The following VRK2 variants were observed in gnomAD, a reference collection of about 807,000 sequenced individuals.
VRK2 encodes the protein serine/threonine-protein kinase VRK2.
Under a neutral mutation model 57.6 loss-of-function variants are expected in VRK2, and 60 were observed. The ratio of observed to expected loss-of-function variants is 1.04; its 90% CI spans 0.85 to 1.29. The LOEUF is 1.29. Among genes scored for constraint, VRK2 ranks in the 50% most tolerant of loss-of-function variants. The probability of loss-of-function intolerance (pLI) is 0.00; values close to 1 mark genes in which losing one functional copy is unlikely to be tolerated. For synonymous variants in VRK2, 231 were observed against 199.2 expected, an observed-to-expected ratio of 1.16 and a Z score of -1.35; for missense variants, 705 against 588.1, an observed-to-expected ratio of 1.20 and a Z score of -2.06.
intron 3 of VRK2, among the ~76,000 whole-genome samples, chr2:58,041,282 A>T (rs745823878): frequency 3.3e-5 from 5 of 152,148 alleles, no homozygotes; most frequent in Non-Finnish European, 5.9e-5. Context: ...ATGCTTAAAA[A>T]TTTTTTATTG....
At chr2:58,146,573 T>C in intron 12 of VRK2, 99 bp downstream of exon 12, 1 of 1,353,414 alleles carries the variant, frequency 7.4e-7, no homozygotes, top group Non-Finnish European at 9.9e-7. Context: ...AGGGCCAAGG[T>C]TGTATGGTTT....
intron 7 of VRK2, among the ~76,000 whole-genome samples, chr2:58,111,776 T>A (rs910089916): frequency 3.9e-5 from 6 of 152,140 alleles, no homozygotes; most frequent in Admixed American, 3.3e-4. Flanking sequence ...AGCCGTTTGT[T>A]TTTGATTTCA....
intron 1 of VRK2, among the ~76,000 whole-genome samples, chr2:57,959,247 G>T (rs1419526443): frequency 6.6e-6 from 1 of 152,130 alleles, no homozygotes; most frequent in African/African-American, 2.4e-5. Flanking sequence ...AGTTTAAAGA[G>T]AGAAGACTGT....
chr2:57,945,639 T>C (rs761806058), intron 1 of VRK2, among the ~76,000 whole-genome samples: 1 of 150,214 alleles, frequency 6.7e-6, no homozygotes, highest in Non-Finnish European at 1.5e-5. Context: ...AACTTTCTGC[T>C]CAAAATTGAC....
At chr2:57,944,399 C>A (rs1671192226) in intron 1 of VRK2, among the ~76,000 whole-genome samples, 1 of 152,136 alleles carries the variant, frequency 6.6e-6, no homozygotes, top group Non-Finnish European at 1.5e-5. Context: ...ACAAAGAAAT[C>A]CATGAAATTC....
chr2:57,945,892 A>G (rs1249013855), intron 1 of VRK2, among the ~76,000 whole-genome samples: 5 of 152,210 alleles, frequency 3.3e-5, no homozygotes, highest in Non-Finnish European at 7.4e-5. Context: ...GATCTGACAA[A>G]GTGATACAAG....
At chr2:57,977,003 T>C (rs770350620) in intron 1 of VRK2, among the ~76,000 whole-genome samples, 5 of 152,154 alleles carry the variant, frequency 3.3e-5, no homozygotes, top group Non-Finnish European at 7.4e-5. Context: ...TTGTCAACTT[T>C]GTCAAAGATC....
intron 8 of VRK2, among the ~76,000 whole-genome samples, chr2:58,125,763 T>C (rs1192213010): frequency 6.6e-6 from 1 of 152,048 alleles, no homozygotes; most frequent in Non-Finnish European, 1.5e-5. Context: ...TATGTACACA[T>C]ATATACACAC....
At position 57,985,032 on chromosome 2, in the gene VRK2, A is replaced by T. The variant is rs77588408; in HGVS notation, c.-438-40633A>T. ...TTAAGTCATTACGCAAATTTGTTATATTATTCTCTGATTTTCTGATCATTT... is the reference window on the plus strand; with the variant it reads ...TTAAGTCATTACGCAAATTTGTTATTTTATTCTCTGATTTTCTGATCATTT... On this transcript the variant is annotated intron_variant, in intron 1 of 15. Transcript: ENST00000417641. Among the ~76,000 whole-genome samples the T allele has an allele frequency of 7.5e-3, 1,147 of 152,156 alleles. 20 individuals are homozygous for T. Among genetic ancestry groups the T allele is most frequent in the African/African-American group, 0.025 (1,049 of 41,560 alleles).
At chr2:57,972,653 A>T (rs1233735067) in intron 1 of VRK2, among the ~76,000 whole-genome samples, 1 of 151,786 alleles carries the variant, frequency 6.6e-6, no homozygotes, top group East Asian at 1.9e-4. Context: ...CTTTGTCTTA[A>T]TTTTTAATAT....
In VRK2 at chr2:58,159,396, G is replaced by A. The variant is rs1684695774; in HGVS notation, c.1230G>A (p.Leu410=). 1 of 1,613,134 alleles carries A rather than the reference G, an allele frequency of 6.2e-7. No homozygotes were observed. Among genetic ancestry groups the A allele is most frequent in the East Asian group, 2.2e-5 (1 of 44,840 alleles). Reference sequence around the variant, plus strand: ...AATATCAAGAGTCTCAAGAACCTTTGAATGAAGTAAACAGTTTCCCACAAA... The same window carrying A: ...AATATCAAGAGTCTCAAGAACCTTTAAATGAAGTAAACAGTTTCCCACAAA... ...RQKYQESQEP[L]NEVNSFPQKI... is the part of the protein sequence containing the mutation. The change falls in exon 13 of 13, where the codon TTG becomes TTA. Residue 410 remains leucine (L), a synonymous_variant. Transcript: ENST00000340157.
intron 4 of VRK2, 110 bp downstream of exon 4, chr2:58,085,060 T>TC: frequency 2.0e-6 from 2 of 997,482 alleles, no homozygotes; most frequent in Non-Finnish European, 2.9e-6. Context: ...AATAGAAATT[T>TC]TATTGTAAAG....
chr2:58,094,629 C>T (rs548961033), intron 7 of VRK2, among the ~76,000 whole-genome samples: 1 of 152,104 alleles, frequency 6.6e-6, no homozygotes, highest in South Asian at 2.1e-4. Context: ...TTCCTCTTTT[C>T]CTAATTGAGT....
At chr2:58,074,309 A>G (rs1232998863) in intron 2 of VRK2, among the ~76,000 whole-genome samples, 2 of 151,884 alleles carry the variant, frequency 1.3e-5, no homozygotes, top group Non-Finnish European at 2.9e-5. Context: ...GTATATTTGC[A>G]TTATTATCTG....
intron 1 of VRK2, among the ~76,000 whole-genome samples, chr2:57,922,454 TTGTGTGTGTGTG>T (rs59731064): frequency 1.4e-5 from 2 of 147,064 alleles, no homozygotes; most frequent in Admixed American, 6.8e-5. Flanking sequence ...AGTTACCTTC[TTGTGTGTGTGTG>T]TGTGTGTGTG....
intron 10 of VRK2, among the ~76,000 whole-genome samples, chr2:58,135,863 TA>T (rs1275082419): frequency 6.6e-6 from 1 of 152,208 alleles, no homozygotes; most frequent in African/African-American, 2.4e-5. Flanking sequence ...TATTCAACAC[TA>T]ATTTAACAAT....
At chr2:58,146,290 T>C (rs1190938574) in intron 11 of VRK2, 26 bp from the exon 12 acceptor site, 1 of 1,562,480 alleles carries the variant, frequency 6.4e-7, no homozygotes, top group Non-Finnish European at 8.6e-7. Context: ...TTTCATTATA[T>C]ATTATTACTT....
intron 7 of VRK2, among the ~76,000 whole-genome samples, chr2:58,105,451 A>C (rs1041983076): frequency 4.6e-5 from 7 of 152,034 alleles, no homozygotes; most frequent in African/African-American, 1.7e-4. Context: ...AAAAATGCTC[A>C]ACATCACTAA....
intron 12 of VRK2, chr2:58,154,934 G>A (rs535603901): frequency 1.0e-5 from 5 of 499,120 alleles, no homozygotes; most frequent in South Asian, 4.0e-5. Flanking sequence ...ATTTAGAAAT[G>A]TGTTAATTCC....
Sources: gnomAD v4.1 joint callset for allele counts (sites outside exome capture counted in the v4.1 genomes callset) on GRCh38, gnomAD v4.1.1 for gene constraint, MANE v1.5 for transcripts, NCBI Gene and HGNC (gene_info 2026-07-23, HGNC 2026-07-21) for gene names.